ATAD2B: variants seen among roughly 807,000 people sequenced by gnomAD.
ATAD2B encodes ATPase family AAA domain containing 2B.
ATAD2B carries 40 observed loss-of-function variants against 167.6 expected under a neutral mutation model. The observed-to-expected ratio is 0.24, with a 90% confidence interval of 0.19 to 0.31. The LOEUF (loss-of-function observed/expected upper bound fraction) is 0.31, where lower values mean the gene tolerates loss of function less well. Ranked by LOEUF, ATAD2B falls within the 10% of genes least tolerant of loss-of-function variation. The pLI, the probability that ATAD2B is intolerant of heterozygous loss-of-function variation, is 1.00. For missense variants in ATAD2B, 1,242 were observed against 1,757.2 expected (o/e 0.71, Z 5.24); for synonymous variants, 579 against 596.5 (o/e 0.97, Z 0.43).
chr2:23,884,430 A>T (rs183086041), intron 6 of ATAD2B, among the ~76,000 whole-genome samples: 6 of 152,318 alleles, frequency 3.9e-5, no homozygotes, highest in Admixed American at 2.0e-4. Flanking sequence ...TAGCAAAGTA[A>T]CTATCCAGTT....
intron 24 of ATAD2B, among the ~76,000 whole-genome samples, 177 bp from the exon 25 acceptor site, chr2:23,758,278 A>C (rs1676191312): frequency 1.3e-5 from 2 of 152,232 alleles, no homozygotes; most frequent in Admixed American, 6.5e-5. Flanking sequence ...TGGAATGGAT[A>C]TGAAGTCAGG....
Position 23,833,995 on chromosome 2 carries a change from A to T in ATAD2B, c.1652T>A (p.Leu551His). The T allele has an allele frequency of 6.2e-7, 1 of 1,613,360 alleles. No homozygotes were observed. Among genetic ancestry groups the T allele is most frequent in the Non-Finnish European group, 8.5e-7 (1 of 1,179,510 alleles). The change falls in exon 14 of 28, where the codon CTT (leucine) becomes CAT (histidine). Residue 551 changes from leucine (L) to histidine (H), a missense_variant. Around this residue, in one of 9 missense-constraint regions of ATAD2B, gnomAD observed 151 missense variants for 284.1 expected, o/e 0.53. Transcript: ENST00000238789. ...EIVVIGATNR[L>H]DSIDPALRRP... ...CCTGAGTGCAGGATCTATAGAGTCA[A>T]GTCTGTTTGTAGCACCAATAACAAC... is the stretch of plus-strand genomic sequence containing the variant.
intron 20 of ATAD2B, 120 bp from the exon 21 acceptor site, chr2:23,786,343 C>T (rs1045589651): frequency 2.4e-6 from 2 of 832,988 alleles, no homozygotes; most frequent in Non-Finnish European, 1.8e-6. Context: ...TGTTGCTTAA[C>T]AACAGGGATA....
At position 23,878,010 on chromosome 2, in the gene ATAD2B, C is replaced by CAAAAAAAAAAAAAAAAAA. The variant is rs1283016862; in HGVS notation, c.902-2107_902-2106insTTTTTTTTTTTTTTTTTT. ...ACTCCAGCCTGGATGACCCTATCTC[C>CAAAAAAAAAAAAAAAAAA]AAAGAAAAAAAAAAAAAAAAAAAAA... On this transcript the variant is annotated intron_variant, in intron 7 of 27. Coordinates refer to ENST00000238789, the MANE Select transcript of ATAD2B (RefSeq NM_017552.4). Among the ~76,000 whole-genome samples the CAAAAAAAAAAAAAAAAAA allele has an allele frequency of 1.5e-3, 43 of 28,606 alleles. 13 individuals are homozygous for CAAAAAAAAAAAAAAAAAA. The highest frequency in any genetic ancestry group is 2.7e-3 in the South Asian group (2 of 732). The allele number at this position is 28,606 out of a possible 152,430, so 18.8% of individuals were successfully genotyped here.
intron 13 of ATAD2B, among the ~76,000 whole-genome samples, chr2:23,851,580 T>G (rs1175794093): frequency 1.3e-5 from 2 of 152,200 alleles, no homozygotes; most frequent in Non-Finnish European, 2.9e-5. Context: ...GTGGTGCACT[T>G]ATTTCAACTG....
At chr2:23,702,641 T>C in the ATAD2B span, among the ~76,000 whole-genome samples, 8 of 152,198 alleles carry the variant, frequency 5.3e-5, no homozygotes, top group African/African-American at 1.9e-4. Flanking sequence ...TAATATGACC[T>C]ATTGGAGCTG....
chr2:23,847,364 C>A (rs1164422639), intron 13 of ATAD2B, among the ~76,000 whole-genome samples: 1 of 151,970 alleles, frequency 6.6e-6, no homozygotes, highest in Non-Finnish European at 1.5e-5. Flanking sequence ...ATTAGCCAGG[C>A]GTGGTTGGTA....
At chr2:23,789,970 A>G (rs1007348798) in intron 19 of ATAD2B, among the ~76,000 whole-genome samples, 4 of 152,134 alleles carry the variant, frequency 2.6e-5, no homozygotes, top group African/African-American at 9.7e-5. Context: ...GAATTCAAAA[A>G]CTGGATGGGG....
At chr2:23,811,963 G>A (rs1037220292) in intron 17 of ATAD2B, among the ~76,000 whole-genome samples, 4 of 151,926 alleles carry the variant, frequency 2.6e-5, no homozygotes, top group Non-Finnish European at 2.9e-5. Context: ...CCATACCAGA[G>A]AAAGAAAATA....
intron 26 of ATAD2B, 71 bp from the exon 27 acceptor site, chr2:23,754,378 G>A (rs1028943627): frequency 2.1e-6 from 3 of 1,419,274 alleles, no homozygotes; most frequent in Non-Finnish European, 1.9e-6. Context: ...ATATTCAAAT[G>A]GCTAGTCAAT....
chr2:23,771,543 G>A (rs1678327814), intron 22 of ATAD2B, among the ~76,000 whole-genome samples: 1 of 152,114 alleles, frequency 6.6e-6, no homozygotes, highest in Non-Finnish European at 1.5e-5. Context: ...ATGATAGTCT[G>A]CTGACCCCTG....
rs768690121 is a variant in ATAD2B, at chr2:23,884,919, T to C, written c.676-46A>G. Reference sequence around the variant, plus strand: ...TCAAATAGCAACATGACATTTATTCTCCACTACAAAAAAACAACCCAATGG... The same window carrying C: ...TCAAATAGCAACATGACATTTATTCCCCACTACAAAAAAACAACCCAATGG... On this transcript the variant is annotated intron_variant, in intron 5 of 27. Coordinates refer to ENST00000238789, the MANE Select transcript of ATAD2B (RefSeq NM_017552.4). 4.1e-5 allele frequency: 52 copies of C among 1,279,136 alleles called. No homozygotes were observed. The African/African-American group carries it at 7.3e-4, about 18-fold the overall frequency. 79.2% of individuals were successfully genotyped at this position (1,279,136 alleles called of 1,614,324 possible).
At chr2:23,872,561 A>G (rs1696163422) in intron 8 of ATAD2B, 1 of 1,073,360 alleles carries the variant, frequency 9.3e-7, no homozygotes. Flanking sequence ...ACAGGAGGGT[A>G]GCTGATCCTC....
At chr2:23,863,358 T>C (rs1371208401) in intron 12 of ATAD2B, 23 bp downstream of exon 12, 7 of 1,544,830 alleles carry the variant, frequency 4.5e-6, no homozygotes, top group African/African-American at 1.4e-5. Flanking sequence ...GAAAAGACTC[T>C]TGAATTAGAT....
intron 1 of ATAD2B, among the ~76,000 whole-genome samples, chr2:23,916,522 A>G (rs1573441034): frequency 6.6e-6 from 1 of 152,300 alleles, no homozygotes; most frequent in Admixed American, 6.5e-5. Flanking sequence ...TAATACTCCA[A>G]ACCCTAATCA....
At chr2:23,680,097 G>C in the ATAD2B span, among the ~76,000 whole-genome samples, 2 of 152,196 alleles carry the variant, frequency 1.3e-5, no homozygotes, top group African/African-American at 4.8e-5. The surrounding 1 kb of genome is among the most constrained non-coding windows in gnomAD (Gnocchi z 4.1). Context: ...GGCCTGGAGG[G>C]GGACAGGCTG....
rs1687665500 is a variant in ATAD2B at position 23,822,853 on chromosome 2, G to T, written c.2131+405C>A. ...GAATCGCTGTACCCGGGAGGCGGAGGTTGCAGTAAGCCAAGACTGCGCCAT... is the reference window on the plus strand; with the variant it reads ...GAATCGCTGTACCCGGGAGGCGGAGTTTGCAGTAAGCCAAGACTGCGCCAT... On this transcript the variant is annotated intron_variant, in intron 16 of 27. Transcript: ENST00000238789. 2.2e-5 allele frequency among the ~76,000 whole-genome samples: 3 copies of T among 133,884 alleles called. No individual in the cohort carries two copies. The East Asian group carries it at 7.4e-4, about 33-fold the overall frequency. 87.8% of individuals were successfully genotyped at this position (133,884 alleles called of 152,430 possible).
the ATAD2B span, among the ~76,000 whole-genome samples, chr2:23,680,664 TCCTGGGCTCTCTAGGCCATCTTCC>T: frequency 5.1e-4 from 76 of 148,348 alleles, no homozygotes; most frequent in Non-Finnish European, 6.6e-4. This position sits in a 1 kb window ranked among gnomAD's most constrained non-coding sequence, Gnocchi z 4.1. Flanking sequence ...GGCCATCTTC[TCCTGGGCTCTCTAGGCCATCTTCC>T]CCTGGGGTCT....
intron 22 of ATAD2B, among the ~76,000 whole-genome samples, chr2:23,777,666 C>T (rs1307583646): frequency 6.6e-6 from 1 of 152,086 alleles, no homozygotes; most frequent in Non-Finnish European, 1.5e-5. Flanking sequence ...GCGAAAATTT[C>T]AGCAAAACTA....
Sources: gnomAD v4.1 joint callset for allele counts (sites outside exome capture counted in the v4.1 genomes callset) on GRCh38, gnomAD v4.1.1 for gene constraint, gnomAD v4.1.1 regional missense constraint, Gnocchi (gnomAD v3.1) non-coding constraint, MANE v1.5 for transcripts, NCBI Gene and HGNC (gene_info 2026-07-23, HGNC 2026-07-21) for gene names.